ERI3: variants seen among roughly 807,000 people sequenced by gnomAD.
ERI3 encodes the protein ERI1 exoribonuclease 3.
ERI3 carries 18 observed loss-of-function variants against 44.4 expected under a neutral mutation model. The observed-to-expected ratio is 0.41, with a 90% CI of 0.28 to 0.60. The LOEUF is 0.60. Among genes scored for constraint, ERI3 ranks in the 20% least tolerant of loss-of-function variants. The pLI is 0.36. For missense variants in ERI3, 294 were observed against 435.5 expected (o/e 0.68, Z 2.89); for synonymous variants, 183 against 164.8 (o/e 1.11, Z -0.84).
intron 6 of ERI3, among the ~76,000 whole-genome samples, chr1:44,304,809 T>C (rs1015737876): frequency 6.6e-6 from 1 of 152,074 alleles, no homozygotes; most frequent in African/African-American, 2.4e-5. Context: ...TGAAGTGAAC[T>C]TCAGGTCCAC....
chr1:44,347,855 AAAG>A (rs1271602304), intron 2 of ERI3, among the ~76,000 whole-genome samples: 5 of 151,238 alleles, frequency 3.3e-5, no homozygotes, highest in Non-Finnish European at 7.4e-5. Context: ...AAATAGCATT[AAAG>A]AAGAGCATGA....
chr1:44,275,680 G>A lies in ERI3; in HGVS notation c.831+9155C>T, dbSNP rs192859881. Among the ~76,000 whole-genome samples the A allele has an allele frequency of 2.6e-5, 4 of 152,290 alleles. No homozygotes were observed. The East Asian group carries it at 5.8e-4, about 22-fold the overall frequency. ...GAAATTGCAGCAAGGCATAGTGTACGGATGGCAGAGGAAAAGTGGAGCAGC... is the reference window on the plus strand; with the variant it reads ...GAAATTGCAGCAAGGCATAGTGTACAGATGGCAGAGGAAAAGTGGAGCAGC... On this transcript the variant is annotated intron_variant, in intron 7 of 8. Coordinates refer to ENST00000372257, the MANE Select transcript of ERI3 (RefSeq NM_024066.3).
At chr1:44,245,462 G>A (rs1260544241) in intron 8 of ERI3, among the ~76,000 whole-genome samples, 1 of 152,328 alleles carries the variant, frequency 6.6e-6, no homozygotes, top group South Asian at 2.1e-4. Context: ...AGCACTGCAT[G>A]AACACTTTCC....
rs1011081173 is a variant in ERI3 at position 44,284,920 on chromosome 1, G to A, written c.759-13C>T. The A allele has an allele frequency of 3.7e-6, 6 of 1,611,866 alleles. No homozygotes were observed. In the Admixed American group the frequency reaches 1.0e-4, roughly 27 times the overall value. On this transcript the variant is annotated splice_polypyrimidine_tract_variant and intron_variant, in intron 6 of 8. Coordinates refer to ENST00000372257, the MANE Select transcript of ERI3 (RefSeq NM_024066.3). ...CTGGCCTGGGAGCCTACAAAAAAAA[G>A]GGAAGAGAGAACAAGTTGGGCGCAT...
chr1:44,249,811 G>T (rs1644637566), intron 7 of ERI3, among the ~76,000 whole-genome samples: 2 of 152,210 alleles, frequency 1.3e-5, no homozygotes, highest in South Asian at 4.1e-4. Flanking sequence ...AGCGCAGTGG[G>T]CCAGAGAGCA....
chr1:44,283,455 T>C (rs1036124288), intron 7 of ERI3, among the ~76,000 whole-genome samples: 1 of 152,196 alleles, frequency 6.6e-6, no homozygotes, highest in African/African-American at 2.4e-5. Flanking sequence ...TCAGCAGAAG[T>C]GATACCTGAG....
intron 6 of ERI3, among the ~76,000 whole-genome samples, chr1:44,301,093 A>G (rs576211419): frequency 6.6e-6 from 1 of 152,242 alleles, no homozygotes; most frequent in East Asian, 1.9e-4. Flanking sequence ...GGAGAGATTT[A>G]TATCGAGTGA....
At chr1:44,293,216 G>A (rs1344294318) in intron 6 of ERI3, among the ~76,000 whole-genome samples, 1 of 152,274 alleles carries the variant, frequency 6.6e-6, no homozygotes, top group Non-Finnish European at 1.5e-5. Flanking sequence ...GCAGAAAGGG[G>A]TGGGGCAAGC....
At chr1:44,255,826 G>A (rs1409060809) in intron 7 of ERI3, among the ~76,000 whole-genome samples, 1 of 152,134 alleles carries the variant, frequency 6.6e-6, no homozygotes, top group Non-Finnish European at 1.5e-5. Flanking sequence ...ACCAAGTCCT[G>A]GGATTGCTGT....
intron 8 of ERI3, among the ~76,000 whole-genome samples, chr1:44,245,753 C>T (rs1184606190): frequency 1.3e-5 from 2 of 152,128 alleles, no homozygotes; most frequent in African/African-American, 2.4e-5. Context: ...AGAGTGGGAA[C>T]GAGGAACCCC....
chr1:44,347,270 A>G (rs1181530641), intron 2 of ERI3, among the ~76,000 whole-genome samples: 1 of 152,176 alleles, frequency 6.6e-6, no homozygotes, highest in African/African-American at 2.4e-5. Context: ...TAGTTTTCAT[A>G]TTTTTTTATA....
chr1:44,225,598 C>CT (rs772355259), intron 8 of ERI3, among the ~76,000 whole-genome samples: 5 of 152,156 alleles, frequency 3.3e-5, no homozygotes, highest in Non-Finnish European at 4.4e-5. Context: ...ATTAGTGGGG[C>CT]TAGCACCTTA....
chr1:44,310,834 G>T (rs1397221696), intron 5 of ERI3, among the ~76,000 whole-genome samples: 1 of 152,054 alleles, frequency 6.6e-6, no homozygotes, highest in Non-Finnish European at 1.5e-5. Flanking sequence ...CCTCTTTACA[G>T]TCTGTACACC....
chr1:44,268,859 G>A (rs1230885982), intron 7 of ERI3, among the ~76,000 whole-genome samples: 1 of 152,152 alleles, frequency 6.6e-6, no homozygotes, highest in Non-Finnish European at 1.5e-5. Flanking sequence ...CAAAGAAACA[G>A]GGAGACAACA....
chr1:44,326,345 T>A (rs552826917), intron 3 of ERI3, among the ~76,000 whole-genome samples: 3 of 152,032 alleles, frequency 2.0e-5, no homozygotes. Context: ...AGAGGGTAAG[T>A]TGGATGGGAG....
At position 44,284,847 on chromosome 1, in the gene ERI3, A is replaced by T; in HGVS notation, c.819T>A (p.Ile273=). ...TCAGACACAGTACCTTTTTCAGATTAATCCACTGCTTGAAGTAATCCGCCA... is the reference window on the plus strand; with the variant it reads ...TCAGACACAGTACCTTTTTCAGATTTATCCACTGCTTGAAGTAATCCGCCA... The part of the protein sequence containing the change: ...LPVADYFKQW[I]NLKKAYSFAM... Residue 273 remains isoleucine, a synonymous_variant, in exon 7 of 9, where the codon ATT becomes ATA. Transcript: ENST00000372257. The T allele has an allele frequency of 6.2e-6, 10 of 1,614,048 alleles. No individual in the cohort carries two copies. The highest frequency in any genetic ancestry group is 8.5e-6 in the Non-Finnish European group (10 of 1,179,946).
At chr1:44,255,449 G>GTT (rs1382635836) in intron 7 of ERI3, among the ~76,000 whole-genome samples, 1 of 152,036 alleles carries the variant, frequency 6.6e-6, no homozygotes, top group Non-Finnish European at 1.5e-5. Context: ...TTTGGTCATC[G>GTT]TATCTGTGTA....
In ERI3 at chr1:44,235,384, C is replaced by G. The variant is rs1038756768; in HGVS notation, c.931+12555G>C. ...AGTGCTTCCTCTAGGTGCCTTCCCCCCATCCCGCCTTTGTGTTAGGAACCT... is the reference window on the plus strand; with the variant it reads ...AGTGCTTCCTCTAGGTGCCTTCCCCGCATCCCGCCTTTGTGTTAGGAACCT... On this transcript the variant is annotated intron_variant, in intron 8 of 8. Transcript: ENST00000372257. The surrounding 1 kb of genome is among the most constrained non-coding windows in gnomAD (Gnocchi z 4.6). 6.6e-6 allele frequency among the ~76,000 whole-genome samples: 1 copy of G among 152,166 alleles called. No homozygotes were observed. Among genetic ancestry groups the G allele is most frequent in the Non-Finnish European group, 1.5e-5 (1 of 68,020 alleles).
intron 4 of ERI3, among the ~76,000 whole-genome samples, chr1:44,317,667 T>C (rs1215002793): frequency 2.6e-5 from 4 of 152,054 alleles, no homozygotes; most frequent in Non-Finnish European, 5.9e-5. Context: ...GTATAAAGTA[T>C]CTGATCAGTT....
Sources: allele counts gnomAD v4.1 joint callset (sites outside exome capture counted in the v4.1 genomes callset), GRCh38; gene constraint gnomAD v4.1.1; non-coding constraint Gnocchi (gnomAD v3.1); transcripts MANE v1.5; gene names NCBI Gene and HGNC (gene_info 2026-07-23, HGNC 2026-07-21).